GABRR2: variants seen among roughly 807,000 people sequenced by gnomAD.
The protein encoded by GABRR2 is gamma-aminobutyric acid type A receptor subunit rho2, also known as gamma-aminobutyric acid receptor subunit rho-2.
GABRR2 carries 36 observed loss-of-function variants against 47.0 expected under a neutral mutation model. The observed-to-expected ratio is 0.77, with a 90% CI of 0.59 to 1.01. GABRR2 has a LOEUF of 1.01. GABRR2 is among the 50% of genes least tolerant of loss of function. The probability of loss-of-function intolerance (pLI) is 0.00; values close to 1 mark genes in which losing one functional copy is unlikely to be tolerated. For synonymous variants in GABRR2, 204 were observed against 227.5 expected (o/e 0.90, Z 0.93); for missense variants, 587 against 594.6 (o/e 0.99, Z 0.13).
chr6:89,262,593 A>G (rs749744877), intron 8 of GABRR2, among the ~76,000 whole-genome samples: 19 of 152,334 alleles, frequency 1.2e-4, no homozygotes, highest in Middle Eastern at 3.4e-3. Flanking sequence ...CAATGTGGAA[A>G]TACTTGATAG....
chr6:89,290,959 T>C (rs1459811527), intron 2 of GABRR2, among the ~76,000 whole-genome samples: 1 of 152,166 alleles, frequency 6.6e-6, no homozygotes, highest in Non-Finnish European at 1.5e-5. Flanking sequence ...CCACAGCTGC[T>C]ACTTTCCCTT....
chr6:89,301,973 TTCG>T, intron 1 of GABRR2: 1 of 809,638 alleles, frequency 1.2e-6, no homozygotes, highest in Non-Finnish European at 2.1e-6. Context: ...CCTCGGGCCA[TTCG>T]TCGACCTGGA....
intron 7 of GABRR2, among the ~76,000 whole-genome samples, chr6:89,265,381 T>C (rs147432456): frequency 6.6e-6 from 1 of 152,250 alleles, no homozygotes; most frequent in East Asian, 1.9e-4. Context: ...CCCCAAATCT[T>C]TCTGAAGTGA....
rs911494553 is a variant in GABRR2, at chr6:89,257,487, G to A, written c.*183C>T. On this transcript the variant is annotated 3_prime_UTR_variant, in exon 9 of 9. Transcript: ENST00000402938. ...CAGCATGAACATGGAGCAGCCCCAC[G>A]GGGTCTGGGGTCAGGGCAGCTGGAA... The A allele has an allele frequency of 2.0e-5, 12 of 598,782 alleles. No individual in the cohort carries two copies. The East Asian group carries it at 2.5e-4, about 12-fold the overall frequency. The allele number at this position is 598,782 out of a possible 1,614,324, so 37.1% of individuals were successfully genotyped here.
chr6:89,304,238 C>A (rs1038991493), intron 1 of GABRR2, among the ~76,000 whole-genome samples: 1 of 152,110 alleles, frequency 6.6e-6, no homozygotes, highest in East Asian at 1.9e-4. Context: ...CTATAAGGAA[C>A]TTAAATTTAC....
chr6:89,299,755 C>T lies in GABRR2; in HGVS notation c.220+4G>A, dbSNP rs781285415. ...CACCTGGCATCAAGGAAGAACAGTC[C>T]TACCTCCGAAGGCGGGTCTCATGCT... On this transcript the variant is annotated splice_donor_region_variant and intron_variant, in intron 2 of 8. Transcript: ENST00000402938. 4.9e-5 allele frequency: 79 copies of T among 1,608,840 alleles called. No individual in the cohort carries two copies. The Middle Eastern group carries it at 1.3e-3, about 27-fold the overall frequency.
chr6:89,265,794 G>A, intron 6 of GABRR2, 29 bp from the exon 7 acceptor site: 4 of 1,610,362 alleles, frequency 2.5e-6, no homozygotes, highest in Non-Finnish European at 3.4e-6. Context: ...AGCCAATGAG[G>A]TTCCATCTGA....
chr6:89,295,028 T>C (rs1774531638), intron 2 of GABRR2, among the ~76,000 whole-genome samples: 1 of 152,140 alleles, frequency 6.6e-6, no homozygotes, highest in Non-Finnish European at 1.5e-5. Context: ...ATTTTCTTAA[T>C]CCAGTCTATC....
chr6:89,287,262 C>T (rs143672632), intron 2 of GABRR2, among the ~76,000 whole-genome samples: 5 of 152,304 alleles, frequency 3.3e-5, no homozygotes, highest in African/African-American at 9.6e-5. Context: ...ATCTGGGCAC[C>T]CCAAATGCAG....
chr6:89,270,586 G>A (rs1302917105), intron 3 of GABRR2: 1 of 152,206 alleles, frequency 6.6e-6, no homozygotes, highest in African/African-American at 2.4e-5. Context: ...TTTCACACCT[G>A]GGCCCCATAT....
At chr6:89,292,727 GTATATATC>G (rs1774474245) in intron 2 of GABRR2, among the ~76,000 whole-genome samples, 1 of 128,234 alleles carries the variant, frequency 7.8e-6, no homozygotes, top group African/African-American at 3.0e-5. Context: ...GATATATATC[GTATATATC>G]ATATATAATC....
chr6:89,278,789 TG>T (rs2127838790), intron 2 of GABRR2, among the ~76,000 whole-genome samples: 1 of 152,304 alleles, frequency 6.6e-6, no homozygotes, highest in African/African-American at 2.4e-5. Flanking sequence ...CACACTAGTG[TG>T]GGGCGGGGAG....
Position 89,299,830 on chromosome 6 carries a change from A to C in GABRR2, c.149T>G (p.Ile50Ser). The change falls in exon 2 of 9, where the codon ATC (isoleucine) becomes AGC (serine). Residue 50 changes from isoleucine to serine, a missense_variant. By Grantham distance (142) the Ile-to-Ser change is moderately radical. Coordinates refer to ENST00000402938, the MANE Select transcript of GABRR2 (RefSeq NM_002043.5). The stretch of plus-strand genomic sequence containing the variant: ...AAGCTGCTGAGGCTTTCCCTTCCGG[A>C]TCTTGGTCACATCAAGGTTCTTCTT... ...LYKKNLDVTKIRKGKPQQLLR... is the reference protein window; with the variant it reads ...LYKKNLDVTKSRKGKPQQLLR... 6.2e-7 allele frequency: 1 copy of C among 1,613,892 alleles called. No individual in the cohort carries two copies. The highest frequency in any genetic ancestry group is 1.3e-5 in the African/African-American group (1 of 75,048).
intron 8 of GABRR2, among the ~76,000 whole-genome samples, chr6:89,259,574 GC>G (rs1773692367): frequency 1.3e-5 from 2 of 151,902 alleles, no homozygotes; most frequent in Admixed American, 6.6e-5. Flanking sequence ...CTCGATCTCG[GC>G]TCATTGCAAC....
chr6:89,259,658 C>A lies in GABRR2; in HGVS notation c.1087-1677G>T, dbSNP rs938659103. ...AGCTGGGATTACAGGTGCCCACCAC[C>A]ATGCCCAGCTAATTTTTGTATTTTT... On this transcript the variant is annotated intron_variant, in intron 8 of 8. Coordinates refer to ENST00000402938, the MANE Select transcript of GABRR2 (RefSeq NM_002043.5). Among the ~76,000 whole-genome samples the A allele has an allele frequency of 5.3e-5, 8 of 152,104 alleles. No individual in the cohort carries two copies. The South Asian group carries it at 1.5e-3, about 28-fold the overall frequency.
intron 8 of GABRR2, among the ~76,000 whole-genome samples, chr6:89,260,978 G>C (rs567271780): frequency 1.5e-4 from 23 of 152,338 alleles, no homozygotes; most frequent in African/African-American, 5.3e-4. Context: ...AGCAGAGTAC[G>C]AGCTCTCACC....
At chr6:89,262,704 A>G (rs1381007926) in intron 8 of GABRR2, among the ~76,000 whole-genome samples, 1 of 152,220 alleles carries the variant, frequency 6.6e-6, no homozygotes, top group East Asian at 1.9e-4. Context: ...ACATGGCAAA[A>G]ATAAATTATT....
chr6:89,287,665 T>C (rs1368547782), intron 2 of GABRR2, among the ~76,000 whole-genome samples: 1 of 152,086 alleles, frequency 6.6e-6, no homozygotes, highest in Non-Finnish European at 1.5e-5. Context: ...TCACCCCCAT[T>C]CCACAGGTGA....
At position 89,269,143 on chromosome 6, in the gene GABRR2, C is replaced by T. The variant is rs750928468; in HGVS notation, c.380G>A (p.Gly127Asp). 5 of 1,613,908 alleles carry T rather than the reference C, an allele frequency of 3.1e-6. No homozygotes were observed. The Admixed American group carries it at 8.3e-5, about 27-fold the overall frequency. ...SASNKSMTFD[G>D]RLVKKIWVPD... ...GACCCAGATCTTCTTCACCAGCCGG[C>T]CATCGAAGGTCATGCTCTTGTTGCT... The change falls in exon 4 of 9, where the codon GGC (glycine) becomes GAC (aspartate). Residue 127 changes from glycine to aspartate, a missense_variant. Coordinates refer to ENST00000402938, the MANE Select transcript of GABRR2 (RefSeq NM_002043.5).
Sources: gnomAD v4.1 joint callset for allele counts (sites outside exome capture counted in the v4.1 genomes callset) on GRCh38, gnomAD v4.1.1 for gene constraint, MANE v1.5 for transcripts, NCBI Gene and HGNC (gene_info 2026-07-23, HGNC 2026-07-21) for gene names.